ZBTB20: variants seen among roughly 807,000 people sequenced by gnomAD.
The protein encoded by ZBTB20 is zinc finger and BTB domain-containing protein 20.
ZBTB20 carries 9 observed loss-of-function variants against 56.9 expected under a neutral mutation model. The ratio of observed to expected loss-of-function variants is 0.16; its 90% CI spans 0.10 to 0.28. The LOEUF is 0.28. ZBTB20 is among the 10% of genes least tolerant of loss of function. The pLI is 1.00. For synonymous variants in ZBTB20, 417 were observed against 420.7 expected (o/e 0.99, Z 0.11); for missense variants, 655 against 1,003.0 (o/e 0.65, Z 4.69).
intron 6 of ZBTB20, among the ~76,000 whole-genome samples, chr3:114,598,969 C>CGG (rs35145720): frequency 6.6e-6 from 1 of 151,492 alleles, no homozygotes; most frequent in African/African-American, 2.4e-5. Context: ...ATTCCCTTAA[C>CGG]GGGGGGGGAC....
chr3:114,388,646 A>G (rs1040560891), intron 8 of ZBTB20: 1 of 152,382 alleles, frequency 6.6e-6, no homozygotes, highest in African/African-American at 2.4e-5. Context: ...ACAAGCTACC[A>G]TGAGATTCAA....
chr3:114,919,489 T>G (rs1315034483), intron 3 of ZBTB20, among the ~76,000 whole-genome samples: 1 of 152,030 alleles, frequency 6.6e-6, no homozygotes, highest in Non-Finnish European at 1.5e-5. Flanking sequence ...GAGTGAATCA[T>G]GAGGTCAGGA....
rs2079524767 is a variant in ZBTB20 at position 114,338,129 on chromosome 3, C to T, written c.*876G>A. The T allele has an allele frequency of 6.6e-6, 1 of 150,654 alleles. No individual in the cohort carries two copies. The highest frequency in any genetic ancestry group is 2.4e-5 in the African/African-American group (1 of 40,818). The allele number at this position is 150,654 out of a possible 1,614,324, so 9.3% of individuals were successfully genotyped here. On this transcript the variant is annotated 3_prime_UTR_variant, in exon 12 of 12. Transcript: ENST00000675478. Reference sequence around the variant, plus strand: ...TTTGCAAAGATTGTTGGAAATAATCCTTCTCTTGTACCTAGAAACATAGGT... The same window carrying T: ...TTTGCAAAGATTGTTGGAAATAATCTTTCTCTTGTACCTAGAAACATAGGT...
chr3:114,351,280 C>T lies in ZBTB20; in HGVS notation c.798G>A (p.Val266=), dbSNP rs1176030864. The change falls in exon 11 of 12, where the codon GTG becomes GTA. Residue 266 remains valine, a synonymous_variant. Transcript: ENST00000675478. ...SGERSFYSGA[V]VSHHETALGL... ...CGAGCGCAGTCTCGTGGTGGCTGAC[C>T]ACTGCGCCGCTGTAAAAAGAGCGCT... 6.2e-7 allele frequency: 1 copy of T among 1,603,126 alleles called. No homozygotes were observed. The highest frequency in any genetic ancestry group is 1.3e-5 in the African/African-American group (1 of 74,798).
intron 2 of ZBTB20, among the ~76,000 whole-genome samples, chr3:115,007,382 A>C (rs1392554698): frequency 1.3e-5 from 2 of 151,796 alleles, no homozygotes; most frequent in Non-Finnish European, 2.9e-5. Context: ...AAATTAGAGA[A>C]TATTTTAAAC....
At chr3:114,449,899 A>T (rs2109019775) in intron 7 of ZBTB20, among the ~76,000 whole-genome samples, 1 of 152,292 alleles carries the variant, frequency 6.6e-6, no homozygotes, top group Non-Finnish European at 1.5e-5. Context: ...AAAATCTGCA[A>T]ATTTTCTATT....
intron 5 of ZBTB20, among the ~76,000 whole-genome samples, chr3:114,701,232 G>A (rs1483136847): frequency 2.6e-5 from 4 of 152,132 alleles, no homozygotes; most frequent in Non-Finnish European, 5.9e-5. Flanking sequence ...ACTTCTGTTT[G>A]TTAACTCATT....
At chr3:114,851,868 T>C (rs923614312) in intron 4 of ZBTB20, among the ~76,000 whole-genome samples, 1 of 152,164 alleles carries the variant, frequency 6.6e-6, no homozygotes, top group Non-Finnish European at 1.5e-5. Context: ...GTAAATTCTG[T>C]AATGCCTCTT....
At position 114,545,836 on chromosome 3, in the gene ZBTB20, T is replaced by A. The variant is rs548292144; in HGVS notation, c.-294-45445A>T. Among the ~76,000 whole-genome samples, 8 of 152,324 alleles carry A rather than the reference T, an allele frequency of 5.3e-5. No homozygotes were observed. In the East Asian group the frequency reaches 1.5e-3, roughly 29 times the overall value. On this transcript the variant is annotated intron_variant, in intron 6 of 11. Coordinates refer to ENST00000675478, the MANE Select transcript of ZBTB20 (RefSeq NM_001348800.3). Reference sequence around the variant, plus strand: ...TATACTCTCAGAGACAGAGTCCTTTTGGAGCAAGATATAAAGTTTAATTCT... The same window carrying A: ...TATACTCTCAGAGACAGAGTCCTTTAGGAGCAAGATATAAAGTTTAATTCT...
At chr3:114,434,662 A>C (rs1373753675) in intron 7 of ZBTB20, among the ~76,000 whole-genome samples, 1 of 151,962 alleles carries the variant, frequency 6.6e-6, no homozygotes, top group Non-Finnish European at 1.5e-5. Context: ...ATGCAATTGA[A>C]AAAATACGGT....
intron 9 of ZBTB20, 86 bp from the exon 10 acceptor site, chr3:114,380,490 T>A: frequency 7.0e-7 from 1 of 1,419,558 alleles, no homozygotes. Context: ...ATAACTTGAT[T>A]TTTTTTTTCT....
At chr3:115,117,377 A>G (rs1323550235) in intron 1 of ZBTB20, among the ~76,000 whole-genome samples, 1 of 152,090 alleles carries the variant, frequency 6.6e-6, no homozygotes, top group Non-Finnish European at 1.5e-5. Context: ...TGTAACCTAT[A>G]CCACTTTGAT....
At chr3:114,653,472 C>T (rs2060233166) in intron 6 of ZBTB20, among the ~76,000 whole-genome samples, 1 of 151,888 alleles carries the variant, frequency 6.6e-6, no homozygotes, top group Admixed American at 6.6e-5. Flanking sequence ...ATAAATCCTA[C>T]TTGATCATGA....
intron 3 of ZBTB20, among the ~76,000 whole-genome samples, chr3:114,931,855 C>A (rs1243884073): frequency 1.3e-5 from 2 of 152,076 alleles, no homozygotes; most frequent in African/African-American, 4.8e-5. Context: ...ACTGCAAGCA[C>A]CCATTGAAAG....
intron 7 of ZBTB20, among the ~76,000 whole-genome samples, chr3:114,467,410 G>A (rs1049180799): frequency 6.6e-6 from 1 of 152,138 alleles, no homozygotes; most frequent in Non-Finnish European, 1.5e-5. Flanking sequence ...AGATGAACAG[G>A]AGAACCATAA....
chr3:114,547,800 A>G (rs963598731), intron 6 of ZBTB20, among the ~76,000 whole-genome samples: 16 of 152,228 alleles, frequency 1.1e-4, no homozygotes, highest in Admixed American at 5.9e-4. Context: ...ACAATAAGAA[A>G]ACATAAAAAA....
chr3:114,971,344 C>T (rs1162932093), intron 3 of ZBTB20, among the ~76,000 whole-genome samples: 1 of 152,124 alleles, frequency 6.6e-6, no homozygotes, highest in Non-Finnish European at 1.5e-5. Context: ...CATGTAAGAC[C>T]AGACAAAGGT....
intron 7 of ZBTB20, among the ~76,000 whole-genome samples, chr3:114,394,769 C>G (rs921742230): frequency 6.6e-6 from 1 of 152,162 alleles, no homozygotes; most frequent in Admixed American, 6.6e-5. Flanking sequence ...ACTTGGCTAA[C>G]AGTTCACACA....
At chr3:114,646,960 A>AT (rs766886238) in intron 6 of ZBTB20, among the ~76,000 whole-genome samples, 3 of 151,772 alleles carry the variant, frequency 2.0e-5, no homozygotes, top group Non-Finnish European at 4.4e-5. Flanking sequence ...ATTTTATTTT[A>AT]TTTATTTATT....
Sources: allele counts gnomAD v4.1 joint callset (sites outside exome capture counted in the v4.1 genomes callset), GRCh38; gene constraint gnomAD v4.1.1; transcripts MANE v1.5; gene names NCBI Gene and HGNC (gene_info 2026-07-23, HGNC 2026-07-21).